FAM117B: variants seen among roughly 807,000 people sequenced by gnomAD.
FAM117B encodes the protein protein FAM117B.
A neutral mutation model predicts 52.8 loss-of-function variants in FAM117B; 22 were observed. The ratio of observed to expected loss-of-function variants is 0.42; its 90% CI spans 0.30 to 0.59. The LOEUF (loss-of-function observed/expected upper bound fraction) is 0.59. FAM117B is among the 20% of genes least tolerant of loss of function. The pLI is 0.22. For missense variants in FAM117B, 678 were observed against 802.6 expected, an observed-to-expected ratio of 0.84 and a Z score of 1.88; for synonymous variants, 309 against 324.1, an observed-to-expected ratio of 0.95 and a Z score of 0.50.
intron 4 of FAM117B, among the ~76,000 whole-genome samples, chr2:202,734,534 A>G (rs569830104): frequency 6.6e-6 from 1 of 152,356 alleles, no homozygotes; most frequent in South Asian, 2.1e-4. Context: ...GATGCTTAAA[A>G]AGAACCAAAA....
intron 4 of FAM117B, among the ~76,000 whole-genome samples, chr2:202,737,628 G>A (rs1020161866): frequency 6.6e-6 from 1 of 151,674 alleles, no homozygotes; most frequent in Admixed American, 6.6e-5. Flanking sequence ...TTGAGACAGA[G>A]TCTCGCTCTG....
chr2:202,758,153 C>T (rs1691830829), intron 6 of FAM117B, among the ~76,000 whole-genome samples: 1 of 152,072 alleles, frequency 6.6e-6, no homozygotes, highest in Non-Finnish European at 1.5e-5. Flanking sequence ...TATTTAGAAC[C>T]TCCTCCATAC....
At chr2:202,683,347 A>C (rs1011159158) in intron 1 of FAM117B, among the ~76,000 whole-genome samples, 1 of 152,270 alleles carries the variant, frequency 6.6e-6, no homozygotes, top group East Asian at 1.9e-4. Context: ...AAAAAACCAA[A>C]ACAAAACAAA....
chr2:202,635,115 G>C lies in FAM117B; in HGVS notation c.-73G>C. 2 of 1,251,218 alleles carry C rather than the reference G, an allele frequency of 1.6e-6. No individual in the cohort carries two copies. Among genetic ancestry groups the C allele is most frequent in the Middle Eastern group, 3.1e-4 (1 of 3,254 alleles). The allele number at this position is 1,251,218 out of a possible 1,614,324, so 77.5% of individuals were successfully genotyped here. On this transcript the variant is annotated 5_prime_UTR_variant, in exon 1 of 8. Coordinates refer to ENST00000392238, the MANE Select transcript of FAM117B (RefSeq NM_173511.4). ...CTTGGGGGGCCTGCCCTCCGGCCTC[G>C]AGAATCCTCCCCCTGCAGCCCAACA...
chr2:202,687,473 A>G (rs1215220169), intron 1 of FAM117B, among the ~76,000 whole-genome samples: 2 of 152,192 alleles, frequency 1.3e-5, no homozygotes, highest in African/African-American at 4.8e-5. Flanking sequence ...GCAGTGACTC[A>G]ATCATAGCTC....
At chr2:202,663,644 C>T (rs538889099) in intron 1 of FAM117B, among the ~76,000 whole-genome samples, 3 of 147,318 alleles carry the variant, frequency 2.0e-5, no homozygotes, top group African/African-American at 2.5e-5. Flanking sequence ...AGTGCAGTGG[C>T]GCGATCTTGG....
rs1056892758 is a variant in FAM117B at position 202,767,659 on chromosome 2, A to T, written c.*1895A>T. 6.6e-6 allele frequency: 1 copy of T among 152,218 alleles called. No homozygotes were observed. Among genetic ancestry groups the T allele is most frequent in the Admixed American group, 6.5e-5 (1 of 15,276 alleles). 9.4% of individuals were successfully genotyped at this position (152,218 alleles called of 1,614,324 possible). On this transcript the variant is annotated 3_prime_UTR_variant, in exon 8 of 8. Transcript: ENST00000392238. ...ATGTCAGCTTACCCAGACATATTCTATCAAGGAAAACCTAGTGGTAGCAAT... is the reference window on the plus strand; with the variant it reads ...ATGTCAGCTTACCCAGACATATTCTTTCAAGGAAAACCTAGTGGTAGCAAT...
intron 2 of FAM117B, among the ~76,000 whole-genome samples, chr2:202,718,254 C>T (rs1691088615): frequency 6.6e-6 from 1 of 152,218 alleles, no homozygotes; most frequent in African/African-American, 2.4e-5. Context: ...AGAACCCCAA[C>T]AGTCTGCTTG....
chr2:202,671,915 C>T (rs1690305306), intron 1 of FAM117B, among the ~76,000 whole-genome samples: 1 of 152,186 alleles, frequency 6.6e-6, no homozygotes, highest in African/African-American at 2.4e-5. Context: ...CTCAGAGACC[C>T]AAGCTGACAC....
chr2:202,635,445 C>A lies in FAM117B; in HGVS notation c.258C>A (p.Arg86=). ...PAGGGGGGGP[R]TASRSTSPTR... ...GCGGCGGCGGCGGCGGTGGCCCGCG[C>A]ACCGCCTCGCGCAGCACCAGCCCCA... The change falls in exon 1 of 8, where the codon CGC becomes CGA. Residue 86 remains arginine, a synonymous_variant. Coordinates refer to ENST00000392238, the MANE Select transcript of FAM117B (RefSeq NM_173511.4). The A allele has an allele frequency of 6.7e-6, 8 of 1,192,700 alleles. No homozygotes were observed. The highest frequency in any genetic ancestry group is 8.3e-6 in the Non-Finnish European group (8 of 965,620). The allele number at this position is 1,192,700 out of a possible 1,614,324, so 73.9% of individuals were successfully genotyped here.
intron 1 of FAM117B, among the ~76,000 whole-genome samples, chr2:202,640,870 C>T (rs188980696): frequency 6.6e-6 from 1 of 152,180 alleles, no homozygotes; most frequent in African/African-American, 2.4e-5. Flanking sequence ...CTCAGCCCCC[C>T]AAAGTGCTGG....
At chr2:202,727,854 A>G (rs1296194071) in intron 4 of FAM117B, among the ~76,000 whole-genome samples, 2 of 152,164 alleles carry the variant, frequency 1.3e-5, no homozygotes, top group African/African-American at 4.8e-5. Flanking sequence ...GTAGTGTCTG[A>G]TGTTTGTTAA....
At chr2:202,652,124 G>A (rs1408515676) in intron 1 of FAM117B, among the ~76,000 whole-genome samples, 1 of 151,512 alleles carries the variant, frequency 6.6e-6, no homozygotes, top group Non-Finnish European at 1.5e-5. Context: ...TTAAAGACAA[G>A]GTCTTGCTCT....
chr2:202,637,280 C>T (rs578120713), intron 1 of FAM117B, among the ~76,000 whole-genome samples: 205 of 148,240 alleles, frequency 1.4e-3, no homozygotes, highest in Middle Eastern at 4.1e-3. Context: ...TTTTTTGAGA[C>T]GGAGTCTTGC....
rs376864598 is a variant in FAM117B, at chr2:202,751,614, T to A, written c.961-3924T>A. The stretch of plus-strand genomic sequence containing the variant: ...GAAACCTCATCATCTCTACTAAATA[T>A]ACAAAAATTTAGCTGGGCGTTGTCG... On this transcript the variant is annotated intron_variant, in intron 4 of 7. Transcript: ENST00000392238. Among the ~76,000 whole-genome samples, 9 of 151,832 alleles carry A rather than the reference T, an allele frequency of 5.9e-5. 1 individual carries two copies. Among genetic ancestry groups the A allele is most frequent in the East Asian group, 1.9e-4 (1 of 5,166 alleles).
At chr2:202,725,255 A>C (rs1402104829) in intron 3 of FAM117B, 1 of 290,414 alleles carries the variant, frequency 3.4e-6, no homozygotes, top group Non-Finnish European at 6.3e-6. Context: ...GTCTATTAAC[A>C]TCAGATTTAA....
intron 7 of FAM117B, 52 bp downstream of exon 7, chr2:202,759,405 T>A: frequency 6.3e-7 from 1 of 1,586,738 alleles, no homozygotes; most frequent in Non-Finnish European, 8.5e-7. Context: ...AGCTTTTTTT[T>A]TTGAGATAGG....
rs1691293021 is a variant in FAM117B at position 202,728,570 on chromosome 2, C to G, written c.960+2207C>G. On this transcript the variant is annotated intron_variant, in intron 4 of 7. Coordinates refer to ENST00000392238, the MANE Select transcript of FAM117B (RefSeq NM_173511.4). ...TGCCAACCTTCCCCTTCCTCTCATTCATTCATAAATAAATGGTATGTGTTT... is the reference window on the plus strand; with the variant it reads ...TGCCAACCTTCCCCTTCCTCTCATTGATTCATAAATAAATGGTATGTGTTT... Among the ~76,000 whole-genome samples the G allele has an allele frequency of 2.0e-5, 3 of 152,260 alleles. No homozygotes were observed. In the South Asian group the frequency reaches 6.2e-4, roughly 32 times the overall value.
intron 4 of FAM117B, among the ~76,000 whole-genome samples, chr2:202,744,192 G>T (rs1691594290): frequency 6.6e-6 from 1 of 152,232 alleles, no homozygotes; most frequent in South Asian, 2.1e-4. Context: ...GAATACCCAA[G>T]GCTGGTTTAT....
Sources: allele counts gnomAD v4.1 joint callset (sites outside exome capture counted in the v4.1 genomes callset), GRCh38; gene constraint gnomAD v4.1.1; transcripts MANE v1.5; gene names NCBI Gene and HGNC (gene_info 2026-07-23, HGNC 2026-07-21).